SUPT3H: variants seen among roughly 807,000 people sequenced by gnomAD.
The protein encoded by SUPT3H is SPT3 homolog, SAGA and STAGA complex component.
A neutral mutation model predicts 44.3 loss-of-function variants in SUPT3H; 44 were observed. That is an observed-to-expected ratio of 0.99 (90% CI 0.78 to 1.28). SUPT3H has a LOEUF of 1.28. Among genes scored for constraint, SUPT3H ranks in the 50% most tolerant of loss-of-function variants. The probability of loss-of-function intolerance (pLI) is 0.00; values close to 1 mark genes in which losing one functional copy is unlikely to be tolerated. For missense variants in SUPT3H, 380 were observed against 387.1 expected (o/e 0.98, Z 0.15); for synonymous variants, 124 against 125.6 (o/e 0.99, Z 0.09).
rs564603400 is a variant in SUPT3H at position 45,128,591 on chromosome 6, T to C, written c.102-22585A>G. ...ACACACACACACACACACATACACA[T>C]ATATATATATACACACATACACACA... is the stretch of plus-strand genomic sequence containing the variant. On this transcript the variant is annotated intron_variant, in intron 2 of 10. Coordinates refer to ENST00000371459, the MANE Select transcript of SUPT3H (RefSeq NM_003599.4). 4.0e-3 allele frequency among the ~76,000 whole-genome samples: 524 copies of C among 129,540 alleles called. 8 individuals carry two copies. Among genetic ancestry groups the C allele is most frequent in the African/African-American group, 0.015 (488 of 33,320 alleles). The allele number at this position is 129,540 out of a possible 152,430, so 85.0% of individuals were successfully genotyped here.
At position 45,010,910 on chromosome 6, in the gene SUPT3H, A is replaced by C. The variant is rs559365926; in HGVS notation, c.364+3891T>G. Among the ~76,000 whole-genome samples the C allele has an allele frequency of 2.0e-5, 3 of 152,240 alleles. No individual in the cohort carries two copies. The South Asian group carries it at 6.2e-4, about 32-fold the overall frequency. On this transcript the variant is annotated intron_variant, in intron 5 of 10. Transcript: ENST00000371459. ...TTTCCTTCTCTTCCTGGTTTGTTGA[A>C]TGTCCCTCTCATTAAACACTTTTGG...
intron 2 of SUPT3H, among the ~76,000 whole-genome samples, chr6:45,244,678 C>T (rs552266074): frequency 6.6e-6 from 1 of 152,258 alleles, no homozygotes; most frequent in African/African-American, 2.4e-5. Flanking sequence ...AATTTTCTAA[C>T]TCATTACCTG....
intron 10 of SUPT3H, among the ~76,000 whole-genome samples, chr6:44,899,590 G>A (rs1464558974): frequency 6.6e-6 from 1 of 152,174 alleles, no homozygotes; most frequent in Non-Finnish European, 1.5e-5. Context: ...GGGAGGCTGA[G>A]GCAGGAGAAT....
Position 45,012,714 on chromosome 6 carries a change from C to T in SUPT3H, c.364+2087G>A, listed in dbSNP as rs148862433. Among the ~76,000 whole-genome samples, 387 of 151,966 alleles carry T rather than the reference C, an allele frequency of 2.5e-3. 4 individuals are homozygous for T. The highest frequency in any genetic ancestry group is 8.8e-3 in the African/African-American group (366 of 41,462). On this transcript the variant is annotated intron_variant, in intron 5 of 10. Coordinates refer to ENST00000371459, the MANE Select transcript of SUPT3H (RefSeq NM_003599.4). ...TCTCCTTTTTATTGTTCACACTTAC[C>T]TATTACTTGGCATATCTAGTATTTT...
At chr6:44,913,945 C>CA (rs1425823383) in intron 10 of SUPT3H, among the ~76,000 whole-genome samples, 1 of 152,074 alleles carries the variant, frequency 6.6e-6, no homozygotes, top group African/African-American at 2.4e-5. Context: ...CTTGAGTCCT[C>CA]ATTAAATATT....
At chr6:45,291,080 C>G (rs911737522) in intron 2 of SUPT3H, among the ~76,000 whole-genome samples, 1 of 152,154 alleles carries the variant, frequency 6.6e-6, no homozygotes, top group Non-Finnish European at 1.5e-5. Flanking sequence ...AAATACTGTG[C>G]TGGTATACAC....
chr6:44,896,119 T>C (rs1764097600), intron 10 of SUPT3H, among the ~76,000 whole-genome samples: 1 of 152,064 alleles, frequency 6.6e-6, no homozygotes, highest in Non-Finnish European at 1.5e-5. Flanking sequence ...GGTCCAGCTG[T>C]GTAGATGCTG....
chr6:45,105,232 C>G (rs1799108094), intron 3 of SUPT3H, among the ~76,000 whole-genome samples: 1 of 151,866 alleles, frequency 6.6e-6, no homozygotes, highest in African/African-American at 2.4e-5. Context: ...AGATCCATAT[C>G]TCACAAAATA....
chr6:44,975,836 T>A (rs1778257037), intron 6 of SUPT3H, among the ~76,000 whole-genome samples: 1 of 151,746 alleles, frequency 6.6e-6, no homozygotes, highest in Admixed American at 6.6e-5. Flanking sequence ...AGCTCATTAT[T>A]AAAAAAAAGA....
At chr6:45,146,936 T>C (rs1041724621) in intron 2 of SUPT3H, among the ~76,000 whole-genome samples, 3 of 152,164 alleles carry the variant, frequency 2.0e-5, no homozygotes, top group African/African-American at 7.2e-5. Context: ...TGCAACTTAA[T>C]AGCAGGGCAT....
At chr6:45,130,707 AAC>A (rs1421431659) in intron 2 of SUPT3H, among the ~76,000 whole-genome samples, 15 of 136,902 alleles carry the variant, frequency 1.1e-4, no homozygotes, top group South Asian at 2.3e-4. Flanking sequence ...CAAAAAAAAA[AAC>A]CACTTTTTTT....
chr6:44,956,158 T>TC (rs1415487179), intron 7 of SUPT3H, among the ~76,000 whole-genome samples: 17 of 147,358 alleles, frequency 1.2e-4, no homozygotes, highest in Non-Finnish European at 2.4e-4. Context: ...CACCACCGGT[T>TC]CCCCAAAAAA....
chr6:44,961,564 T>G (rs1009488773), intron 7 of SUPT3H, among the ~76,000 whole-genome samples, 189 bp downstream of exon 7: 9 of 152,168 alleles, frequency 5.9e-5, no homozygotes, highest in African/African-American at 2.2e-4. Context: ...TGTTATTAAC[T>G]GCAAAGCAGT....
chr6:44,970,782 G>A (rs1443677837), intron 6 of SUPT3H, among the ~76,000 whole-genome samples: 1 of 152,118 alleles, frequency 6.6e-6, no homozygotes, highest in Non-Finnish European at 1.5e-5. Flanking sequence ...TAAAACTTTA[G>A]AATACTGCCT....
chr6:45,299,752 CAA>C (rs35005958), intron 2 of SUPT3H, among the ~76,000 whole-genome samples: 11 of 103,214 alleles, frequency 1.1e-4, no homozygotes, highest in Admixed American at 2.8e-4. Flanking sequence ...CCGGCTCTGC[CAA>C]AAAAAAAAAA....
intron 2 of SUPT3H, among the ~76,000 whole-genome samples, chr6:45,334,685 T>C (rs1788199033): frequency 1.3e-5 from 2 of 151,174 alleles, no homozygotes; most frequent in Admixed American, 1.3e-4. Context: ...TTTTTATACA[T>C]GGCATATACA....
chr6:45,110,148 C>T lies in SUPT3H; in HGVS notation c.102-4142G>A, dbSNP rs925812924. Among the ~76,000 whole-genome samples the T allele has an allele frequency of 3.9e-5, 6 of 152,134 alleles. No homozygotes were observed. In the East Asian group the frequency reaches 9.6e-4, roughly 24 times the overall value. On this transcript the variant is annotated intron_variant, in intron 2 of 10. Coordinates refer to ENST00000371459, the MANE Select transcript of SUPT3H (RefSeq NM_003599.4). ...CAGAGCAACTTAATAATGATTGGGG[C>T]GGAGCAACTTACACCCTATCTTCTC...
At chr6:45,264,343 T>G (rs1655853377) in intron 2 of SUPT3H, among the ~76,000 whole-genome samples, 1 of 152,154 alleles carries the variant, frequency 6.6e-6, no homozygotes, top group Admixed American at 6.6e-5. Context: ...CAGCCAGTCA[T>G]TTTTCTTTCA....
At chr6:44,852,552 T>C (rs1414223526) in intron 10 of SUPT3H, among the ~76,000 whole-genome samples, 1 of 152,168 alleles carries the variant, frequency 6.6e-6, no homozygotes. Flanking sequence ...TTTCTGTTAC[T>C]TTCCTTACCC....
Sources: allele counts gnomAD v4.1 joint callset (sites outside exome capture counted in the v4.1 genomes callset), GRCh38; gene constraint gnomAD v4.1.1; transcripts MANE v1.5; gene names NCBI Gene and HGNC (gene_info 2026-07-23, HGNC 2026-07-21).